The following RTN4IP1 variants were observed in gnomAD, a reference collection of about 807,000 sequenced individuals.
RTN4IP1 encodes the protein NAD(P)H oxidoreductase RTN4IP1, mitochondrial.
Under a neutral mutation model 46.6 loss-of-function variants are expected in RTN4IP1, and 32 were observed. The observed-to-expected ratio is 0.69, with a 90% CI of 0.52 to 0.92. RTN4IP1 has a LOEUF of 0.92. Among genes scored for constraint, RTN4IP1 ranks in the 40% least tolerant of loss-of-function variants. RTN4IP1 has a pLI of 0.00. For missense variants in RTN4IP1, 424 were observed against 485.8 expected (o/e 0.87, Z 1.20); for synonymous variants, 167 against 161.8 (o/e 1.03, Z -0.24).
At chr6:106,604,163 C>T (rs1776006599) in intron 4 of RTN4IP1, among the ~76,000 whole-genome samples, 2 of 152,110 alleles carry the variant, frequency 1.3e-5, no homozygotes, top group Non-Finnish European at 2.9e-5. Context: ...TAACCTTCAC[C>T]CTAGTTTCAT....
intron 5 of RTN4IP1, among the ~76,000 whole-genome samples, chr6:106,593,059 T>G (rs535516039): frequency 3.3e-4 from 51 of 152,344 alleles, no homozygotes; most frequent in African/African-American, 1.1e-3. Context: ...TATCTTCATT[T>G]GCATCTCTAA....
chr6:106,614,722 A>G (rs143735268), intron 4 of RTN4IP1, among the ~76,000 whole-genome samples: 1 of 152,344 alleles, frequency 6.6e-6, no homozygotes, highest in Admixed American at 6.5e-5. Context: ...TCAAATTAAA[A>G]TAAGAACTGA....
rs578199444 is a variant in RTN4IP1 at position 106,580,117 on chromosome 6, G to A, written c.1083+3211C>T. 2.7e-3 allele frequency among the ~76,000 whole-genome samples: 407 copies of A among 151,474 alleles called. 2 individuals are homozygous for A. Among genetic ancestry groups the A allele is most frequent in the South Asian group, 4.4e-3 (21 of 4,782 alleles). On this transcript the variant is annotated intron_variant, in intron 8 of 8. Coordinates refer to ENST00000369063, the MANE Select transcript of RTN4IP1 (RefSeq NM_032730.5). ...TAGTCCCAGCTACTTGGAAGGCTGA[G>A]GCAGGAGAATGGTGTGAACCCGGGA...
chr6:106,589,170 GTGGAGGAGGAGGAGGA>G, intron 6 of RTN4IP1, among the ~76,000 whole-genome samples: 1 of 35,694 alleles, frequency 2.8e-5, no homozygotes, highest in Non-Finnish European at 5.3e-5. Flanking sequence ...GGAGGAGGCG[GTGGAGGAGGAGGAGGA>G]GGGAGGAGGA....
intron 5 of RTN4IP1, among the ~76,000 whole-genome samples, chr6:106,598,768 G>C (rs1775869880): frequency 6.6e-6 from 1 of 151,114 alleles, no homozygotes; most frequent in African/African-American, 2.4e-5. Context: ...TGAAGTCCTT[G>C]CCCATGCCTA....
intron 6 of RTN4IP1, among the ~76,000 whole-genome samples, chr6:106,589,288 A>AG (rs1482160386): frequency 6.8e-5 from 7 of 102,642 alleles, no homozygotes; most frequent in East Asian, 3.2e-4. Flanking sequence ...GAGAAGAAGA[A>AG]AGAGAAGAAG....
intron 5 of RTN4IP1, among the ~76,000 whole-genome samples, chr6:106,600,455 TA>T (rs1395414797): frequency 1.3e-5 from 2 of 152,130 alleles, no homozygotes; most frequent in Non-Finnish European, 2.9e-5. Flanking sequence ...TTAAAGTATT[TA>T]AAGTATACAG....
intron 8 of RTN4IP1, among the ~76,000 whole-genome samples, chr6:106,580,931 T>C (rs1215457985): frequency 2.7e-5 from 4 of 147,694 alleles, no homozygotes; most frequent in Non-Finnish European, 4.5e-5. Context: ...AAAAAAGGAA[T>C]GAGAAAGCTT....
chr6:106,628,223 T>C (rs1354671234), intron 1 of RTN4IP1, among the ~76,000 whole-genome samples: 1 of 151,802 alleles, frequency 6.6e-6, no homozygotes, highest in Non-Finnish European at 1.5e-5. Context: ...ATCCCAGCAC[T>C]TAGGGGGCGG....
intron 4 of RTN4IP1, among the ~76,000 whole-genome samples, chr6:106,618,972 A>G (rs1562153509): frequency 1.3e-5 from 2 of 152,224 alleles, no homozygotes; most frequent in Admixed American, 6.5e-5. Flanking sequence ...CATTCCATCC[A>G]CACATCTCAG....
chr6:106,595,063 A>G (rs1220196613), intron 5 of RTN4IP1, among the ~76,000 whole-genome samples: 1 of 152,144 alleles, frequency 6.6e-6, no homozygotes, highest in Non-Finnish European at 1.5e-5. Flanking sequence ...TGGCCTCCCA[A>G]AATGCTGGGA....
At chr6:106,615,975 G>A (rs906709821) in intron 4 of RTN4IP1, among the ~76,000 whole-genome samples, 7 of 151,570 alleles carry the variant, frequency 4.6e-5, no homozygotes, top group African/African-American at 7.3e-5. Context: ...CTGGAGTACC[G>A]TTGCGCAATC....
At chr6:106,574,970 G>A (rs181857618) in intron 8 of RTN4IP1, among the ~76,000 whole-genome samples, 95 of 152,212 alleles carry the variant, frequency 6.2e-4, no homozygotes, top group Non-Finnish European at 9.1e-4. Context: ...AAGTGACAAT[G>A]GAAAAAAAGG....
chr6:106,620,021 TACATA>T (rs1228096956), intron 3 of RTN4IP1, among the ~76,000 whole-genome samples: 3 of 152,182 alleles, frequency 2.0e-5, no homozygotes, highest in African/African-American at 4.8e-5. Flanking sequence ...GTATATAATA[TACATA>T]ACATATTCTA....
chr6:106,624,331 G>A (rs1346781644), intron 1 of RTN4IP1, among the ~76,000 whole-genome samples: 1 of 152,048 alleles, frequency 6.6e-6, no homozygotes, highest in African/African-American at 2.4e-5. Flanking sequence ...TGGGATTACA[G>A]GTGTAAGCCA....
intron 3 of RTN4IP1, among the ~76,000 whole-genome samples, chr6:106,619,599 TTTC>T (rs1776433085): frequency 1.3e-5 from 2 of 148,894 alleles, no homozygotes; most frequent in Admixed American, 1.4e-4. Context: ...TAAGTATACT[TTTC>T]TTCATTTTTT....
In RTN4IP1 at chr6:106,571,785, C is replaced by A; in HGVS notation, c.*211G>T. On this transcript the variant is annotated 3_prime_UTR_variant, in exon 9 of 9. Coordinates refer to ENST00000369063, the MANE Select transcript of RTN4IP1 (RefSeq NM_032730.5). ...AGTGTGAAGGAACAGCTTGAAAAAA[C>A]TTCGAATTTCTACTGACTACAGACA... is the stretch of plus-strand genomic sequence containing the variant. 1 of 465,394 alleles carries A rather than the reference C, an allele frequency of 2.1e-6. No individual in the cohort carries two copies. The allele number at this position is 465,394 out of a possible 1,614,324, so 28.8% of individuals were successfully genotyped here.
In RTN4IP1 at chr6:106,574,082, A is replaced by G. The variant is rs139595327; in HGVS notation, c.1084-1979T>C. On this transcript the variant is annotated intron_variant, in intron 8 of 8. Transcript: ENST00000369063. ...CTATTTGTCTTCTATTCTCTCCAAG[A>G]ATAAGGCAGAGGGCTGTGGTGAGTC... Among the ~76,000 whole-genome samples, 71 of 152,316 alleles carry G rather than the reference A, an allele frequency of 4.7e-4. 1 individual carries two copies. The East Asian group carries it at 0.014, about 29-fold the overall frequency.
At chr6:106,579,940 C>T (rs1235343598) in intron 8 of RTN4IP1, among the ~76,000 whole-genome samples, 4 of 151,742 alleles carry the variant, frequency 2.6e-5, no homozygotes, top group South Asian at 2.1e-4. Flanking sequence ...TTAGGCCGGG[C>T]GCAGTGGCTC....
Sources: gnomAD v4.1 joint callset for allele counts (sites outside exome capture counted in the v4.1 genomes callset) on GRCh38, gnomAD v4.1.1 for gene constraint, MANE v1.5 for transcripts, NCBI Gene and HGNC (gene_info 2026-07-23, HGNC 2026-07-21) for gene names.